The following SPOCK3 variants were observed in gnomAD, a reference collection of about 807,000 sequenced individuals.
SPOCK3 encodes SPARC (osteonectin), cwcv and kazal like domains proteoglycan 3.
In SPOCK3, 30 loss-of-function variants were observed where a neutral mutation model predicts 56.6. The observed-to-expected ratio is 0.53, with a 90% CI of 0.40 to 0.72. The LOEUF (loss-of-function observed/expected upper bound fraction) is 0.72, where lower values mean the gene tolerates loss of function less well. Among genes scored for constraint, SPOCK3 ranks in the 30% least tolerant of loss-of-function variants. The pLI, the probability that SPOCK3 is intolerant of heterozygous loss-of-function variation, is 0.00. For missense variants in SPOCK3, 527 were observed against 530.0 expected, an observed-to-expected ratio of 0.99 and a Z score of 0.06; for synonymous variants, 196 against 183.3, an observed-to-expected ratio of 1.07 and a Z score of -0.56.
intron 2 of SPOCK3, among the ~76,000 whole-genome samples, chr4:167,221,094 A>C (rs80281539): frequency 0.032 from 4,816 of 151,998 alleles, 114 homozygotes; most frequent in Middle Eastern, 0.075. Context: ...GCACAATGTG[A>C]CACACCTGTA....
chr4:167,045,953 C>T (rs537358558), intron 3 of SPOCK3, among the ~76,000 whole-genome samples: 4 of 152,144 alleles, frequency 2.6e-5, no homozygotes, highest in African/African-American at 7.2e-5. Context: ...TCCTTGTCTC[C>T]GAAGAACTTC....
At chr4:166,921,137 C>T (rs1349122075) in intron 4 of SPOCK3, among the ~76,000 whole-genome samples, 1 of 152,180 alleles carries the variant, frequency 6.6e-6, no homozygotes, top group African/African-American at 2.4e-5. Context: ...GAAACCTCCA[C>T]TCTGCATTAG....
chr4:166,801,532 C>G (rs943085186), intron 6 of SPOCK3, among the ~76,000 whole-genome samples: 1 of 151,922 alleles, frequency 6.6e-6, no homozygotes, highest in African/African-American at 2.4e-5. Context: ...TTTTATTCAA[C>G]AAATTATTAC....
At chr4:166,835,973 C>A (rs781718227) in intron 6 of SPOCK3, among the ~76,000 whole-genome samples, 6 of 151,982 alleles carry the variant, frequency 3.9e-5, no homozygotes, top group African/African-American at 1.5e-4. Context: ...GCCATTGCAC[C>A]CCAGCCTGGG....
intron 3 of SPOCK3, among the ~76,000 whole-genome samples, chr4:167,034,465 T>C (rs952694412): frequency 6.6e-6 from 1 of 152,030 alleles, no homozygotes; most frequent in Non-Finnish European, 1.5e-5. Flanking sequence ...AGAGATAAGA[T>C]TTAAAAGCAC....
chr4:166,822,015 T>G (rs1744985331), intron 6 of SPOCK3, among the ~76,000 whole-genome samples: 1 of 152,102 alleles, frequency 6.6e-6, no homozygotes, highest in Non-Finnish European at 1.5e-5. Context: ...AGAATAGCAT[T>G]TTTAAAATGC....
At chr4:167,223,063 A>G (rs1483987385) in intron 2 of SPOCK3, among the ~76,000 whole-genome samples, 1 of 112,354 alleles carries the variant, frequency 8.9e-6, no homozygotes, top group Non-Finnish European at 1.7e-5. Context: ...TATTTTATAT[A>G]TGAATATATA....
intron 6 of SPOCK3, among the ~76,000 whole-genome samples, chr4:166,793,294 T>C (rs2126658878): frequency 6.6e-6 from 1 of 152,286 alleles, no homozygotes; most frequent in South Asian, 2.1e-4. Context: ...AATAACATAA[T>C]GTAATGTAAT....
chr4:167,035,656 A>C (rs1752684313), intron 3 of SPOCK3, among the ~76,000 whole-genome samples: 1 of 152,122 alleles, frequency 6.6e-6, no homozygotes, highest in African/African-American at 2.4e-5. Flanking sequence ...AGTTCTGGTA[A>C]TTGTTTCCCT....
At chr4:166,887,928 A>G (rs1734375175) in intron 6 of SPOCK3, among the ~76,000 whole-genome samples, 1 of 151,758 alleles carries the variant, frequency 6.6e-6, no homozygotes, top group Non-Finnish European at 1.5e-5. Context: ...AACTGGTGTC[A>G]TTCTTCACAG....
At position 166,896,196 on chromosome 4, in the gene SPOCK3, G is replaced by A. The variant is rs12646167; in HGVS notation, c.475-6952C>T. On this transcript the variant is annotated intron_variant, in intron 5 of 10. Coordinates refer to ENST00000357545, the MANE Select transcript of SPOCK3 (RefSeq NM_001040159.2). ...TCAGGGGAGAACCCTACACACTTCT[G>A]TCTATTGCTTCTTAATATGGGAGTC... is the stretch of plus-strand genomic sequence containing the variant. Among the ~76,000 whole-genome samples the A allele has an allele frequency of 2.6e-3, 402 of 152,264 alleles. 9 individuals carry two copies. The East Asian group carries it at 0.06, about 23-fold the overall frequency.
intron 2 of SPOCK3, among the ~76,000 whole-genome samples, chr4:167,175,056 G>T (rs193180829): frequency 6.6e-6 from 1 of 152,214 alleles, no homozygotes; most frequent in East Asian, 1.9e-4. Context: ...CCTACTACCT[G>T]CAGAATTATC....
intron 2 of SPOCK3, among the ~76,000 whole-genome samples, chr4:167,069,408 C>T (rs1756457207): frequency 6.6e-6 from 1 of 151,842 alleles, no homozygotes; most frequent in East Asian, 1.9e-4. Context: ...CATTTTACTG[C>T]CATCACTTTA....
chr4:167,179,321 C>T (rs1465085589), intron 2 of SPOCK3, among the ~76,000 whole-genome samples: 1 of 152,156 alleles, frequency 6.6e-6, no homozygotes, highest in East Asian at 1.9e-4. Context: ...AGACTCTCTG[C>T]TGCAGAGCCT....
intron 3 of SPOCK3, among the ~76,000 whole-genome samples, chr4:167,005,839 A>C (rs149929538): frequency 1.3e-5 from 2 of 152,186 alleles, no homozygotes; most frequent in Middle Eastern, 3.4e-3. Flanking sequence ...AATTAATGTA[A>C]ATTAATTTAT....
chr4:167,017,219 G>T (rs1750710398), intron 3 of SPOCK3, among the ~76,000 whole-genome samples: 1 of 152,034 alleles, frequency 6.6e-6, no homozygotes, highest in South Asian at 2.1e-4. Flanking sequence ...GGGATCATCT[G>T]CACCCCTGTG....
chr4:167,067,594 A>C (rs1254730832), intron 2 of SPOCK3, among the ~76,000 whole-genome samples: 1 of 151,828 alleles, frequency 6.6e-6, no homozygotes, highest in Non-Finnish European at 1.5e-5. Flanking sequence ...ATAGCATTTC[A>C]CTTTCTTACC....
chr4:166,934,068 T>C (rs531929200), intron 4 of SPOCK3, among the ~76,000 whole-genome samples: 1 of 152,258 alleles, frequency 6.6e-6, no homozygotes, highest in East Asian at 1.9e-4. Context: ...CTCTTCATAA[T>C]TCTTAATAAT....
At chr4:166,892,082 A>G (rs1165197776) in intron 5 of SPOCK3, among the ~76,000 whole-genome samples, 2 of 152,064 alleles carry the variant, frequency 1.3e-5, no homozygotes, top group Non-Finnish European at 2.9e-5. Context: ...TTTCTGCCCA[A>G]AAGTTGATGA....
Sources: allele counts gnomAD v4.1 joint callset (sites outside exome capture counted in the v4.1 genomes callset), GRCh38; gene constraint gnomAD v4.1.1; transcripts MANE v1.5; gene names NCBI Gene and HGNC (gene_info 2026-07-23, HGNC 2026-07-21).